Variants in PARG observed in about 807,000 individuals in gnomAD.
The protein encoded by PARG is poly(ADP-ribose) glycohydrolase.
In PARG, 35 loss-of-function variants were observed where a neutral mutation model predicts 113.0. The observed-to-expected ratio is 0.31, with a 90% CI of 0.24 to 0.41. PARG has a LOEUF of 0.41. Ranked by LOEUF, PARG falls within the 10% of genes least tolerant of loss-of-function variation. PARG has a pLI of 1.00. For missense variants in PARG, 797 were observed against 1,169.4 expected, an observed-to-expected ratio of 0.68 and a Z score of 4.64; for synonymous variants, 330 against 409.9, an observed-to-expected ratio of 0.81 and a Z score of 2.36.
intron 13 of PARG, among the ~76,000 whole-genome samples, chr10:49,849,889 G>A (rs1386243893): frequency 6.6e-6 from 1 of 151,940 alleles, no homozygotes; most frequent in Non-Finnish European, 1.5e-5. Context: ...GCAGTGGTGT[G>A]AGCCTGCAGT....
At chr10:49,897,160 C>T (rs1336072968) in intron 7 of PARG, among the ~76,000 whole-genome samples, 1 of 152,142 alleles carries the variant, frequency 6.6e-6, no homozygotes, top group Non-Finnish European at 1.5e-5. Context: ...TCATTTGTAC[C>T]ATACTGACTT....
At chr10:49,919,605 G>A (rs1475747111) in intron 6 of PARG, among the ~76,000 whole-genome samples, 2 of 152,104 alleles carry the variant, frequency 1.3e-5, no homozygotes, top group African/African-American at 4.8e-5. Context: ...GATCACTTGA[G>A]CTCAGGAGTT....
intron 15 of PARG, among the ~76,000 whole-genome samples, chr10:49,836,758 A>G (rs1386763136): frequency 6.6e-6 from 1 of 152,212 alleles, no homozygotes; most frequent in Non-Finnish European, 1.5e-5. Context: ...TTGGTTTAAT[A>G]ACAGTCCTAT....
Position 49,889,856 on chromosome 10 carries a change from G to A in PARG, c.1738-4561C>T, listed in dbSNP as rs192934156. ...ACAACTGTCAACACTCCAGACCTAT[G>A]TCTAATGCTGCTTTGGAAACACAAA... On this transcript the variant is annotated intron_variant, in intron 7 of 17. Coordinates refer to ENST00000616448, the MANE Select transcript of PARG (RefSeq NM_003631.5). Among the ~76,000 whole-genome samples the A allele has an allele frequency of 2.0e-5, 3 of 152,272 alleles. No homozygotes were observed. In the East Asian group the frequency reaches 5.8e-4, roughly 29 times the overall value.
At chr10:49,829,033 G>A (rs1480275248) in intron 16 of PARG, among the ~76,000 whole-genome samples, 8 of 152,120 alleles carry the variant, frequency 5.3e-5, no homozygotes, top group African/African-American at 1.4e-4. Context: ...TCAGGAGTTC[G>A]AGACCAGCTT....
chr10:49,930,615 A>G (rs1278719566), intron 4 of PARG, among the ~76,000 whole-genome samples: 1 of 152,132 alleles, frequency 6.6e-6, no homozygotes, highest in Non-Finnish European at 1.5e-5. Flanking sequence ...AATCTTATAT[A>G]TCTGTCTGGA....
intron 7 of PARG, among the ~76,000 whole-genome samples, chr10:49,900,524 TGTA>T (rs1238627367): frequency 6.6e-6 from 1 of 152,182 alleles, no homozygotes; most frequent in Non-Finnish European, 1.5e-5. Context: ...AATAGAATTG[TGTA>T]GGTTTATAAA....
At chr10:49,846,473 G>A (rs1478173123) in intron 13 of PARG, among the ~76,000 whole-genome samples, 1 of 151,460 alleles carries the variant, frequency 6.6e-6, no homozygotes, top group Non-Finnish European at 1.5e-5. Context: ...ATACTTCAAT[G>A]TGTGTAAATT....
intron 6 of PARG, among the ~76,000 whole-genome samples, chr10:49,921,342 T>C (rs1266245541): frequency 1.3e-5 from 2 of 152,172 alleles, no homozygotes; most frequent in African/African-American, 4.8e-5. Flanking sequence ...TGATAATCTC[T>C]ATTTTGTTTT....
At chr10:49,914,976 C>G (rs1249557432) in intron 7 of PARG, among the ~76,000 whole-genome samples, 1 of 152,082 alleles carries the variant, frequency 6.6e-6, no homozygotes, top group Non-Finnish European at 1.5e-5. Flanking sequence ...AATTGGACTT[C>G]TAATTTACAT....
intron 1 of PARG, among the ~76,000 whole-genome samples, chr10:49,941,151 G>A (rs1455344545): frequency 6.6e-6 from 1 of 152,190 alleles, no homozygotes; most frequent in African/African-American, 2.4e-5. Context: ...CTGAACAAGT[G>A]AAGTTGTTTT....
At position 49,893,495 on chromosome 10, in the gene PARG, C is replaced by T. The variant is rs376236077; in HGVS notation, c.1738-8200G>A. On this transcript the variant is annotated intron_variant, in intron 7 of 17. Coordinates refer to ENST00000616448, the MANE Select transcript of PARG (RefSeq NM_003631.5). Reference sequence around the variant, plus strand: ...TCAGATAAACATTTTGCAAATATTTCGCCGTCTTTTAAAATTTATTTATTT... The same window carrying T: ...TCAGATAAACATTTTGCAAATATTTTGCCGTCTTTTAAAATTTATTTATTT... 1.1e-3 allele frequency among the ~76,000 whole-genome samples: 165 copies of T among 152,142 alleles called. 3 individuals carry two copies. In the South Asian group the frequency reaches 0.03, roughly 27 times the overall value.
intron 16 of PARG, among the ~76,000 whole-genome samples, chr10:49,824,970 T>C (rs1308861521): frequency 6.6e-6 from 1 of 152,100 alleles, no homozygotes; most frequent in Non-Finnish European, 1.5e-5. Flanking sequence ...CAGAGCAATG[T>C]CTTTACATTG....
chr10:49,840,352 G>T (rs1216314714), intron 15 of PARG, among the ~76,000 whole-genome samples: 1 of 150,456 alleles, frequency 6.6e-6, no homozygotes, highest in East Asian at 2.0e-4. Context: ...GATCGCACAT[G>T]CCACTGCACT....
chr10:49,890,142 A>G (rs1296090831), intron 7 of PARG, among the ~76,000 whole-genome samples: 1 of 152,228 alleles, frequency 6.6e-6, no homozygotes, highest in Non-Finnish European at 1.5e-5. Context: ...AAGGGAGGTA[A>G]GCATTTACAT....
At chr10:49,820,722 C>CAAA (rs35420602) in intron 16 of PARG, among the ~76,000 whole-genome samples, 1 of 124,418 alleles carries the variant, frequency 8.0e-6, no homozygotes. Flanking sequence ...GACTCCATCT[C>CAAA]AAAAAAAAAA....
chr10:49,830,973 T>C (rs1844629216), intron 16 of PARG, among the ~76,000 whole-genome samples: 1 of 152,198 alleles, frequency 6.6e-6, no homozygotes, highest in South Asian at 2.1e-4. Flanking sequence ...ATGGTACATA[T>C]GTGCATACAA....
chr10:49,912,065 C>T (rs1375195311), intron 7 of PARG, among the ~76,000 whole-genome samples: 3 of 152,084 alleles, frequency 2.0e-5, no homozygotes, highest in East Asian at 3.9e-4. Context: ...TTTTGGAGGC[C>T]GAGGTGTGCA....
chr10:49,841,501 C>T (rs536980164), intron 15 of PARG, among the ~76,000 whole-genome samples: 97 of 152,006 alleles, frequency 6.4e-4, no homozygotes, highest in Non-Finnish European at 1.2e-3. Flanking sequence ...CTAAGTATTA[C>T]GGAAAATAAT....
Sources: gnomAD v4.1 joint callset for allele counts (sites outside exome capture counted in the v4.1 genomes callset) on GRCh38, gnomAD v4.1.1 for gene constraint, MANE v1.5 for transcripts, NCBI Gene and HGNC (gene_info 2026-07-23, HGNC 2026-07-21) for gene names.